Variants in CNTN3 observed in about 807,000 individuals in gnomAD.
CNTN3 encodes the protein contactin-3.
In CNTN3, 60 loss-of-function variants were observed where a neutral mutation model predicts 119.1. The ratio of observed to expected loss-of-function variants is 0.50; its 90% CI spans 0.41 to 0.62. The LOEUF is 0.62. Ranked by LOEUF, CNTN3 falls within the 20% of genes least tolerant of loss-of-function variation. The pLI, the probability that CNTN3 is intolerant of heterozygous loss-of-function variation, is 0.00. For missense variants in CNTN3, 1,101 were observed against 1,242.4 expected (o/e 0.89, Z 1.71); for synonymous variants, 450 against 438.7 (o/e 1.03, Z -0.32).
At chr3:74,504,934 G>A (rs1028287465) in intron 2 of CNTN3, among the ~76,000 whole-genome samples, 3 of 152,132 alleles carry the variant, frequency 2.0e-5, no homozygotes, top group African/African-American at 7.2e-5. Flanking sequence ...CACAGTTCAG[G>A]GGGCTGAAAG....
chr3:74,408,293 AG>A (rs1231892137), intron 5 of CNTN3, among the ~76,000 whole-genome samples: 1 of 152,230 alleles, frequency 6.6e-6, no homozygotes, highest in African/African-American at 2.4e-5. Flanking sequence ...TTTAAAAAAA[AG>A]GAAAACAAAA....
At chr3:74,562,629 G>A (rs934199265) in intron 1 of CNTN3, among the ~76,000 whole-genome samples, 17 of 152,014 alleles carry the variant, frequency 1.1e-4, no homozygotes, top group African/African-American at 4.1e-4. Context: ...TTTATATCTT[G>A]GAAACACTGC....
chr3:74,377,925 T>C (rs1378100565), intron 5 of CNTN3, among the ~76,000 whole-genome samples: 1 of 152,192 alleles, frequency 6.6e-6, no homozygotes, highest in South Asian at 2.1e-4. Context: ...TGTAGTTCCA[T>C]TGTAAAATTA....
At chr3:74,613,327 T>C (rs1705114225) in intron 1 of CNTN3, among the ~76,000 whole-genome samples, 1 of 151,826 alleles carries the variant, frequency 6.6e-6, no homozygotes, top group African/African-American at 2.4e-5. Context: ...ATTTCTGGAT[T>C]TACCTACTCA....
chr3:74,467,734 C>T (rs1295228460), intron 4 of CNTN3, among the ~76,000 whole-genome samples: 2 of 152,126 alleles, frequency 1.3e-5, no homozygotes, highest in Admixed American at 6.5e-5. Context: ...CACCAGGCAA[C>T]CCTTTCTGTC....
intron 5 of CNTN3, among the ~76,000 whole-genome samples, chr3:74,381,573 G>C (rs1297776986): frequency 1.3e-5 from 2 of 152,088 alleles, no homozygotes; most frequent in Non-Finnish European, 2.9e-5. Context: ...TGATAGAAAA[G>C]AGTAATAAAA....
chr3:74,407,245 T>C (rs901618055), intron 5 of CNTN3, among the ~76,000 whole-genome samples: 1 of 150,048 alleles, frequency 6.7e-6, no homozygotes, highest in Non-Finnish European at 1.5e-5. Flanking sequence ...GGGTAAAGTA[T>C]AGCCAGGCCA....
intron 13 of CNTN3, among the ~76,000 whole-genome samples, chr3:74,314,664 A>C (rs1379569115): frequency 6.6e-6 from 1 of 152,204 alleles, no homozygotes; most frequent in Non-Finnish European, 1.5e-5. Context: ...ATACAGATAG[A>C]ACTTCAAGGA....
At chr3:74,499,967 A>G (rs1703135947) in intron 2 of CNTN3, among the ~76,000 whole-genome samples, 182 bp from the exon 3 acceptor site, 1 of 152,108 alleles carries the variant, frequency 6.6e-6, no homozygotes, top group Non-Finnish European at 1.5e-5. Context: ...TCAACAGCAT[A>G]GTACCACCTC....
At chr3:74,332,498 T>C (rs1366669404) in intron 13 of CNTN3, among the ~76,000 whole-genome samples, 1 of 152,242 alleles carries the variant, frequency 6.6e-6, no homozygotes, top group Non-Finnish European at 1.5e-5. Flanking sequence ...ATGCCTTCTT[T>C]AGAACCTATC....
At chr3:74,292,876 C>A (rs1702261453) in intron 19 of CNTN3, among the ~76,000 whole-genome samples, 1 of 152,218 alleles carries the variant, frequency 6.6e-6, no homozygotes, top group Non-Finnish European at 1.5e-5. Flanking sequence ...CACAAGGGAG[C>A]TACTGTTGGC....
intron 13 of CNTN3, among the ~76,000 whole-genome samples, chr3:74,304,436 A>T (rs1355245399): frequency 6.6e-6 from 1 of 152,164 alleles, no homozygotes; most frequent in African/African-American, 2.4e-5. Flanking sequence ...CTTCTATGGA[A>T]ATCTCTCATT....
intron 1 of CNTN3, among the ~76,000 whole-genome samples, chr3:74,593,925 G>C (rs77433201): frequency 0.012 from 1,867 of 152,026 alleles, 28 homozygotes; most frequent in Middle Eastern, 0.044. Context: ...ACTTGGAACA[G>C]AGTGACTGAT....
At chr3:74,288,901 A>G (rs1702172687) in intron 19 of CNTN3, among the ~76,000 whole-genome samples, 1 of 152,226 alleles carries the variant, frequency 6.6e-6, no homozygotes, top group African/African-American at 2.4e-5. Flanking sequence ...GATGAAATAA[A>G]TTGGAGCCCA....
At chr3:74,495,794 C>T (rs1023103786) in intron 3 of CNTN3, among the ~76,000 whole-genome samples, 1 of 152,016 alleles carries the variant, frequency 6.6e-6, no homozygotes, top group African/African-American at 2.4e-5. Context: ...GAAAGACCTC[C>T]ACTTTGCAAT....
At chr3:74,289,558 T>G (rs1316579917) in intron 19 of CNTN3, among the ~76,000 whole-genome samples, 1 of 152,214 alleles carries the variant, frequency 6.6e-6, no homozygotes, top group Non-Finnish European at 1.5e-5. Flanking sequence ...TGCTTTTTTT[T>G]TCTTCAGTAC....
chr3:74,415,385 C>A (rs74361978), intron 5 of CNTN3, among the ~76,000 whole-genome samples: 4 of 152,168 alleles, frequency 2.6e-5, no homozygotes, highest in Non-Finnish European at 5.9e-5. Context: ...ATGACCCTGA[C>A]TCTTTCCAGA....
At chr3:74,402,563 G>C (rs1446280399) in intron 5 of CNTN3, among the ~76,000 whole-genome samples, 2 of 152,138 alleles carry the variant, frequency 1.3e-5, no homozygotes, top group Non-Finnish European at 2.9e-5. Context: ...ACCTGCATCT[G>C]TTAATAGAGT....
chr3:74,371,871 C>A (rs1704346739), intron 5 of CNTN3, among the ~76,000 whole-genome samples: 1 of 152,082 alleles, frequency 6.6e-6, no homozygotes, highest in South Asian at 2.1e-4. Context: ...AAGCCCCATG[C>A]TCTCTTTTGT....
Sources: gnomAD v4.1 joint callset for allele counts (sites outside exome capture counted in the v4.1 genomes callset) on GRCh38, gnomAD v4.1.1 for gene constraint, MANE v1.5 for transcripts, NCBI Gene and HGNC (gene_info 2026-07-23, HGNC 2026-07-21) for gene names.